Variants in MOB4 observed in about 807,000 individuals in gnomAD.
MOB4 encodes MOB-like protein phocein.
MOB4 carries 4 observed loss-of-function variants against 32.2 expected under a neutral mutation model. The ratio of observed to expected loss-of-function variants is 0.12; its 90% confidence interval spans 0.06 to 0.28. The LOEUF (loss-of-function observed/expected upper bound fraction) is 0.28. Among genes scored for constraint, MOB4 ranks in the 10% least tolerant of loss-of-function variants. MOB4 has a pLI of 1.00. For synonymous variants in MOB4, 88 were observed against 88.1 expected (o/e 1.00, Z 0.01); for missense variants, 158 against 271.2 (o/e 0.58, Z 2.93).
At chr2:197,547,025 C>T (rs1026828425) in intron 5 of MOB4, among the ~76,000 whole-genome samples, 3 of 152,060 alleles carry the variant, frequency 2.0e-5, no homozygotes, top group Non-Finnish European at 4.4e-5. Flanking sequence ...ATGGGAGGAT[C>T]GCTTGAGGCC....
chr2:197,528,616 C>CTTTTTTTTTTTTTTTTTT (rs60927398), intron 2 of MOB4, among the ~76,000 whole-genome samples: 4 of 131,686 alleles, frequency 3.0e-5, no homozygotes, highest in Non-Finnish European at 4.9e-5. Context: ...TTTTCTTTTT[C>CTTTTTTTTTTTTTTTTTT]TTTTTTTTTT....
In MOB4 at chr2:197,552,026, C is replaced by T. The variant is rs1313386013; in HGVS notation, c.*1380C>T. The T allele has an allele frequency of 1.1e-4, 16 of 152,112 alleles. No individual in the cohort carries two copies. Among genetic ancestry groups the T allele is most frequent in the Admixed American group, 1.0e-3 (16 of 15,250 alleles). 9.4% of individuals were successfully genotyped at this position (152,112 alleles called of 1,614,324 possible). On this transcript the variant is annotated 3_prime_UTR_variant, in exon 8 of 8. Coordinates refer to ENST00000323303, the MANE Select transcript of MOB4 (RefSeq NM_015387.5). The stretch of plus-strand genomic sequence containing the variant: ...ATTTTGAAGATGAAAATGTATTCAT[C>T]TTAATTGTTTTTTCAAATTTAAGGG...
intron 2 of MOB4, among the ~76,000 whole-genome samples, chr2:197,525,169 C>T (rs1438572996): frequency 6.6e-6 from 1 of 151,862 alleles, no homozygotes; most frequent in Non-Finnish European, 1.5e-5. Flanking sequence ...CATGGTGAAA[C>T]CCCATCTCTT....
intron 1 of MOB4, among the ~76,000 whole-genome samples, chr2:197,517,872 G>A (rs1189866440): frequency 1.3e-5 from 2 of 152,184 alleles, no homozygotes; most frequent in Non-Finnish European, 2.9e-5. Flanking sequence ...GGGTGCGGTG[G>A]CTCACGCCTG....
intron 2 of MOB4, among the ~76,000 whole-genome samples, chr2:197,533,424 G>A (rs1160132405): frequency 6.6e-6 from 1 of 152,052 alleles, no homozygotes; most frequent in Non-Finnish European, 1.5e-5. Flanking sequence ...TAATTAAAGA[G>A]TCATTAAAAA....
upstream of MOB4, chr2:197,515,972 T>G (rs2086401781): frequency 3.6e-6 from 4 of 1,102,210 alleles, no homozygotes; most frequent in Non-Finnish European, 5.2e-6. Flanking sequence ...GCTGCAGCTG[T>G]TCCGTCAGCT....
chr2:197,517,237 C>G (rs1021780389), intron 1 of MOB4, among the ~76,000 whole-genome samples: 7 of 152,324 alleles, frequency 4.6e-5, no homozygotes, highest in Non-Finnish European at 7.4e-5. Flanking sequence ...TCTCCTGATT[C>G]TTAATTCACT....
At chr2:197,544,132 G>C (rs2086948952) in intron 5 of MOB4, among the ~76,000 whole-genome samples, 2 of 152,142 alleles carry the variant, frequency 1.3e-5, no homozygotes, top group Admixed American at 1.3e-4. Context: ...GAGTGCAGTG[G>C]CACAATCTTG....
chr2:197,531,661 G>A (rs1258753008), intron 2 of MOB4, among the ~76,000 whole-genome samples: 1 of 151,884 alleles, frequency 6.6e-6, no homozygotes, highest in Non-Finnish European at 1.5e-5. Flanking sequence ...TGCTTCCCGG[G>A]TTCAAGTGAT....
At chr2:197,550,076 G>C (rs2087071994) in intron 6 of MOB4, among the ~76,000 whole-genome samples, 199 bp from the exon 7 acceptor site, 1 of 152,250 alleles carries the variant, frequency 6.6e-6, no homozygotes. Flanking sequence ...TTTAAGTTAG[G>C]CCCTGTGATT....
chr2:197,548,097 G>A (rs2087030223), intron 5 of MOB4, among the ~76,000 whole-genome samples: 1 of 152,132 alleles, frequency 6.6e-6, no homozygotes, highest in South Asian at 2.1e-4. Flanking sequence ...TAGGTACGAT[G>A]TTGGGAATAA....
chr2:197,527,168 CA>C (rs869229912), intron 2 of MOB4, among the ~76,000 whole-genome samples: 2 of 150,754 alleles, frequency 1.3e-5, no homozygotes, highest in South Asian at 2.1e-4. Context: ...TCCGTATCTG[CA>C]AAAAAAAGGG....
At chr2:197,519,274 A>G (rs1291552397) in intron 1 of MOB4, among the ~76,000 whole-genome samples, 1 of 152,236 alleles carries the variant, frequency 6.6e-6, no homozygotes, top group Non-Finnish European at 1.5e-5. Flanking sequence ...GGTGTCTCTC[A>G]TAGGCATCTA....
chr2:197,535,444 T>C, intron 2 of MOB4, 86 bp from the exon 3 acceptor site: 1 of 1,270,288 alleles, frequency 7.9e-7, no homozygotes. Flanking sequence ...ACAAGAGCAG[T>C]TATGTATTAA....
At chr2:197,524,893 C>T (rs968735374) in intron 2 of MOB4, among the ~76,000 whole-genome samples, 1 of 152,062 alleles carries the variant, frequency 6.6e-6, no homozygotes, top group African/African-American at 2.4e-5. Context: ...ACCTCAGCCT[C>T]CCAAGTAGCT....
At chr2:197,531,196 C>T (rs1034197541) in intron 2 of MOB4, among the ~76,000 whole-genome samples, 8 of 151,792 alleles carry the variant, frequency 5.3e-5, no homozygotes, top group Admixed American at 1.3e-4. Flanking sequence ...TACAAGCGCC[C>T]GCCACTATGC....
intron 3 of MOB4, among the ~76,000 whole-genome samples, chr2:197,535,850 T>G (rs1470440564): frequency 1.3e-5 from 2 of 152,054 alleles, no homozygotes; most frequent in African/African-American, 4.8e-5. Flanking sequence ...GTGGTTTATT[T>G]CAGAGTTGAT....
chr2:197,550,423 A>G (rs1318379479), intron 7 of MOB4, 37 bp downstream of exon 7: 3 of 1,607,562 alleles, frequency 1.9e-6, no homozygotes, highest in Admixed American at 1.7e-5. Flanking sequence ...ATGCATTCTT[A>G]TCAGTGTAAC....
Position 197,550,551 on chromosome 2 carries a change from G to T in MOB4, c.583G>T (p.Val195Leu). 6.2e-7 allele frequency: 1 copy of T among 1,607,912 alleles called. No homozygotes were observed. Among genetic ancestry groups the T allele is most frequent in the Non-Finnish European group, 8.5e-7 (1 of 1,178,212 alleles). Residue 195 changes from valine (V) to leucine (L), a missense_variant, in exon 8 of 8, where the codon GTG becomes TTG. By Grantham distance (32) the Val-to-Leu change is conservative. Around this residue, in one of 6 missense-constraint regions of MOB4, gnomAD observed 45 missense variants for 65.6 expected, o/e 0.69. Transcript: ENST00000323303. ...TTTGTGTCATCGGTTTACTAAGTTT[G>T]TGATGAAATACAATTTGATGTCCAA... ...TFLCHRFTKFVMKYNLMSKDN... is the reference protein window; with the variant it reads ...TFLCHRFTKFLMKYNLMSKDN...
Sources: allele counts gnomAD v4.1 joint callset (sites outside exome capture counted in the v4.1 genomes callset), GRCh38; gene constraint gnomAD v4.1.1; regional missense constraint gnomAD v4.1.1; transcripts MANE v1.5; gene names NCBI Gene and HGNC (gene_info 2026-07-23, HGNC 2026-07-21).